FAM241A: variants seen among roughly 807,000 people sequenced by gnomAD.
FAM241A encodes family with sequence similarity 241 member A.
FAM241A carries 7 observed loss-of-function variants against 12.2 expected under a neutral mutation model. The observed-to-expected ratio is 0.58, with a 90% CI of 0.33 to 1.08. The LOEUF is 1.08. FAM241A is among the 50% of genes least tolerant of loss of function. The probability of loss-of-function intolerance (pLI) is 0.04; values close to 1 mark genes in which losing one functional copy is unlikely to be tolerated. For synonymous variants in FAM241A, 74 were observed against 68.2 expected (o/e 1.08, Z -0.42); for missense variants, 161 against 169.7 (o/e 0.95, Z 0.29).
intron 1 of FAM241A, among the ~76,000 whole-genome samples, chr4:112,148,348 T>C (rs573199995): frequency 6.6e-6 from 1 of 152,254 alleles, no homozygotes; most frequent in African/African-American, 2.4e-5. Flanking sequence ...TTATTTCATA[T>C]ATATATGAAA....
chr4:112,179,092 A>T (rs922473015), intron 1 of FAM241A, among the ~76,000 whole-genome samples: 1 of 152,142 alleles, frequency 6.6e-6, no homozygotes, highest in Admixed American at 6.6e-5. Flanking sequence ...AAACACTCTG[A>T]TGTAGTTTCT....
chr4:112,161,542 G>A (rs6533600), intron 1 of FAM241A, among the ~76,000 whole-genome samples: 89,955 of 152,004 alleles, frequency 0.59, 28,607 homozygotes, highest in East Asian at 0.82. Context: ...CACTACGCAA[G>A]TAAACTAGAA....
Position 112,191,261 on chromosome 4 carries a change from C to G in FAM241A, c.*4323C>G, listed in dbSNP as rs1724160595. On this transcript the variant is annotated 3_prime_UTR_variant, in exon 2 of 2. Coordinates refer to ENST00000309733, the MANE Select transcript of FAM241A (RefSeq NM_152400.3). ...TTCTAAAAATATAATCTTTCTACTT[C>G]TATTCATTCCTAGCATCACTGAGTC... The G allele has an allele frequency of 6.6e-6, 1 of 152,184 alleles. No homozygotes were observed. The highest frequency in any genetic ancestry group is 1.5e-5 in the Non-Finnish European group (1 of 68,022). The allele number at this position is 152,184 out of a possible 1,614,324, so 9.4% of individuals were successfully genotyped here.
chr4:112,167,626 C>G lies in FAM241A; in HGVS notation c.154-19067C>G, dbSNP rs140372195. On this transcript the variant is annotated intron_variant, in intron 1 of 1. Transcript: ENST00000309733. ...GAAAGATAAGAGGAAAACCATGAAT[C>G]TTTTATGGGTCATTTTAATTAGGAA... Among the ~76,000 whole-genome samples the G allele has an allele frequency of 4.2e-3, 645 of 152,200 alleles. 7 individuals carry two copies. Among genetic ancestry groups the G allele is most frequent in the African/African-American group, 0.015 (619 of 41,522 alleles).
chr4:112,157,569 A>G (rs1406624050), intron 1 of FAM241A, among the ~76,000 whole-genome samples: 1 of 152,118 alleles, frequency 6.6e-6, no homozygotes, highest in Non-Finnish European at 1.5e-5. Flanking sequence ...TGTTAATTCT[A>G]TTCCAGTCTT....
At chr4:112,164,083 G>A (rs748387680) in intron 1 of FAM241A, among the ~76,000 whole-genome samples, 2 of 151,498 alleles carry the variant, frequency 1.3e-5, no homozygotes, top group African/African-American at 2.4e-5. Flanking sequence ...TTGGACACAG[G>A]GTGGGGAACA....
rs72893075 is a variant in FAM241A, at chr4:112,186,385, G to A, written c.154-308G>A. ...TTAACGTCTTAGTGTCAAAGGAACC[G>A]TCTAAAAAGAATCTTACCAGGACAG... On this transcript the variant is annotated intron_variant, in intron 1 of 1. Transcript: ENST00000309733. Among the ~76,000 whole-genome samples the A allele has an allele frequency of 3.2e-3, 493 of 152,238 alleles. 3 individuals are homozygous for A. The highest frequency in any genetic ancestry group is 0.011 in the African/African-American group (462 of 41,540).
At chr4:112,148,896 C>A (rs540163824) in intron 1 of FAM241A, among the ~76,000 whole-genome samples, 2 of 152,284 alleles carry the variant, frequency 1.3e-5, no homozygotes, top group South Asian at 4.2e-4. Context: ...AGGTCACTCA[C>A]AATCTGAAAT....
intron 1 of FAM241A, among the ~76,000 whole-genome samples, chr4:112,182,884 A>C (rs1364605670): frequency 9.9e-5 from 15 of 152,128 alleles, no homozygotes; most frequent in Admixed American, 9.8e-4. Context: ...TATCCTAGAT[A>C]CATAAAATAC....
rs1204415183 is a variant in FAM241A at position 112,191,146 on chromosome 4, C to T, written c.*4208C>T. ...CTCAGCAAATGACACAATCCTTTCC[C>T]TAACTGCTCAAGCAGGAGTTGTAGA... On this transcript the variant is annotated 3_prime_UTR_variant, in exon 2 of 2. Transcript: ENST00000309733. 1 of 152,204 alleles carries T rather than the reference C, an allele frequency of 6.6e-6. No individual in the cohort carries two copies. Among genetic ancestry groups the T allele is most frequent in the Non-Finnish European group, 1.5e-5 (1 of 68,048 alleles). 9.4% of individuals were successfully genotyped at this position (152,204 alleles called of 1,614,324 possible).
At position 112,158,553 on chromosome 4, in the gene FAM241A, G is replaced by A. The variant is rs141278253; in HGVS notation, c.153+12820G>A. Among the ~76,000 whole-genome samples, 498 of 152,192 alleles carry A rather than the reference G, an allele frequency of 3.3e-3. 3 individuals carry two copies. Among genetic ancestry groups the A allele is most frequent in the African/African-American group, 0.011 (448 of 41,564 alleles). On this transcript the variant is annotated intron_variant, in intron 1 of 1. Coordinates refer to ENST00000309733, the MANE Select transcript of FAM241A (RefSeq NM_152400.3). ...CATTTCTCATTAATCTTGTGTTGTA[G>A]TAGGGAAAGAGAGACAATGTATAAA...
intron 1 of FAM241A, among the ~76,000 whole-genome samples, chr4:112,146,109 G>C (rs1483396858): frequency 6.6e-6 from 1 of 152,118 alleles, no homozygotes; most frequent in Non-Finnish European, 1.5e-5. Flanking sequence ...CTTCGAGTCC[G>C]TGCCCTGCGC....
chr4:112,166,189 C>G (rs1723591010), intron 1 of FAM241A, among the ~76,000 whole-genome samples: 1 of 151,628 alleles, frequency 6.6e-6, no homozygotes, highest in African/African-American at 2.4e-5. Flanking sequence ...GCTGGGACTA[C>G]AGGTGCCCCC....
chr4:112,185,744 C>T (rs1724025180), intron 1 of FAM241A, among the ~76,000 whole-genome samples: 1 of 152,170 alleles, frequency 6.6e-6, no homozygotes, highest in African/African-American at 2.4e-5. Flanking sequence ...GCTGGCATCT[C>T]AAGAAGGCAC....
intron 1 of FAM241A, among the ~76,000 whole-genome samples, chr4:112,155,911 T>C (rs1723343750): frequency 6.6e-6 from 1 of 152,218 alleles, no homozygotes; most frequent in African/African-American, 2.4e-5. Flanking sequence ...GATACTATTA[T>C]TGCCCCTACT....
chr4:112,178,326 T>G (rs529169306), intron 1 of FAM241A, among the ~76,000 whole-genome samples: 1 of 152,302 alleles, frequency 6.6e-6, no homozygotes, highest in South Asian at 2.1e-4. Flanking sequence ...TGATTTCACA[T>G]GGGTTCTTAA....
chr4:112,185,266 CTA>C (rs1724015606), intron 1 of FAM241A, among the ~76,000 whole-genome samples: 1 of 152,030 alleles, frequency 6.6e-6, no homozygotes, highest in Non-Finnish European at 1.5e-5. Context: ...GGGAGAGAAA[CTA>C]TACCAATTAT....
At chr4:112,150,303 C>T (rs1578368704) in intron 1 of FAM241A, among the ~76,000 whole-genome samples, 1 of 151,850 alleles carries the variant, frequency 6.6e-6, no homozygotes, top group African/African-American at 2.4e-5. Flanking sequence ...TTTTCCATAT[C>T]ATATTTTGTT....
At chr4:112,171,507 A>C in intron 1 of FAM241A, 1 of 770,768 alleles carries the variant, frequency 1.3e-6, no homozygotes, top group Non-Finnish European at 2.4e-6. Context: ...TAAGGAAAGA[A>C]AGGCCCAAGT....
Sources: allele counts gnomAD v4.1 joint callset (sites outside exome capture counted in the v4.1 genomes callset), GRCh38; gene constraint gnomAD v4.1.1; transcripts MANE v1.5; gene names NCBI Gene and HGNC (gene_info 2026-07-23, HGNC 2026-07-21).